SMIM31: variants seen among roughly 807,000 people sequenced by gnomAD.
SMIM31 encodes the protein human epithelial cell program regulator.
At chr4:164,778,391 A>C (rs1732905039) in intron 2 of SMIM31, among the ~76,000 whole-genome samples, 2 of 152,156 alleles carry the variant, frequency 1.3e-5, no homozygotes, top group African/African-American at 4.8e-5. Flanking sequence ...TAAGCACAAA[A>C]CAAAAGTTTA....
intron 2 of SMIM31, among the ~76,000 whole-genome samples, chr4:164,793,937 T>C (rs1394407818): frequency 6.6e-6 from 1 of 152,194 alleles, no homozygotes; most frequent in African/African-American, 2.4e-5. Context: ...GCATTTGACT[T>C]GGCAATGATT....
intron 2 of SMIM31, among the ~76,000 whole-genome samples, chr4:164,787,787 G>A (rs1196106654): frequency 2.6e-5 from 4 of 152,076 alleles, no homozygotes; most frequent in Non-Finnish European, 5.9e-5. Context: ...TTTTCATCCT[G>A]TTCTCTTCAA....
chr4:164,758,845 T>TTTTTTTC (rs1553964725), intron 1 of SMIM31, among the ~76,000 whole-genome samples: 1 of 83,894 alleles, frequency 1.2e-5, no homozygotes, highest in African/African-American at 3.9e-5. Flanking sequence ...TTTTTTTGTA[T>TTTTTTTC]TTTTAGTAGA....
At chr4:164,766,705 G>A (rs1378652110) in intron 1 of SMIM31, among the ~76,000 whole-genome samples, 2 of 152,048 alleles carry the variant, frequency 1.3e-5, no homozygotes, top group Non-Finnish European at 2.9e-5. Context: ...GACTGAGGCA[G>A]GAGAATCGCT....
At position 164,758,550 on chromosome 4, in the gene SMIM31, T is replaced by C. The variant is rs188799177; in HGVS notation, c.-26+4139T>C. On this transcript the variant is annotated intron_variant, in intron 1 of 2. Coordinates refer to ENST00000507311, the MANE Select transcript of SMIM31 (RefSeq NM_001352885.1). ...TCATTCCCACCTTTCTGGGCATTTT[T>C]ATCATGAAGAGTGTTAATTTTTTTC... is the stretch of plus-strand genomic sequence containing the variant. Among the ~76,000 whole-genome samples the C allele has an allele frequency of 5.1e-3, 771 of 152,060 alleles. 5 individuals carry two copies. The highest frequency in any genetic ancestry group is 0.017 in the African/African-American group (710 of 41,528).
At chr4:164,769,759 T>C (rs1732769095) in intron 1 of SMIM31, among the ~76,000 whole-genome samples, 1 of 147,558 alleles carries the variant, frequency 6.8e-6, no homozygotes, top group Non-Finnish European at 1.5e-5. Flanking sequence ...AAAAAAAAAC[T>C]CCTCTCCAAT....
chr4:164,769,392 C>T (rs1579063697), intron 1 of SMIM31, among the ~76,000 whole-genome samples: 1 of 152,138 alleles, frequency 6.6e-6, no homozygotes, highest in Non-Finnish European at 1.5e-5. Flanking sequence ...CTTCTACCAC[C>T]TAACATAAAA....
chr4:164,771,379 A>G (rs1040734195), intron 2 of SMIM31, among the ~76,000 whole-genome samples: 1 of 152,206 alleles, frequency 6.6e-6, no homozygotes, highest in Non-Finnish European at 1.5e-5. Flanking sequence ...TTAACTACAT[A>G]ATAATGTATT....
intron 2 of SMIM31, among the ~76,000 whole-genome samples, chr4:164,799,619 G>C (rs1213180427): frequency 6.6e-6 from 1 of 152,118 alleles, no homozygotes; most frequent in Non-Finnish European, 1.5e-5. Context: ...CATGGGGAAG[G>C]CCATCTGCTT....
chr4:164,768,762 AAG>A (rs1732755104), intron 1 of SMIM31, among the ~76,000 whole-genome samples: 1 of 152,174 alleles, frequency 6.6e-6, no homozygotes, highest in African/African-American at 2.4e-5. Flanking sequence ...TTCTTCAAGA[AAG>A]AGTCCTCACA....
chr4:164,762,805 A>G (rs922240019), intron 1 of SMIM31, among the ~76,000 whole-genome samples: 1 of 152,214 alleles, frequency 6.6e-6, no homozygotes, highest in Non-Finnish European at 1.5e-5. Context: ...TCATATTGAA[A>G]GCATCGGAGC....
At chr4:164,778,335 A>G (rs1732904241) in intron 2 of SMIM31, among the ~76,000 whole-genome samples, 1 of 152,082 alleles carries the variant, frequency 6.6e-6, no homozygotes, top group African/African-American at 2.4e-5. Flanking sequence ...TTAAAAAAAA[A>G]AATTTTATTT....
chr4:164,783,703 G>A lies in SMIM31; in HGVS notation c.112+13148G>A, dbSNP rs149321461. ...AGGCTAAGGTGGGAGGATTACTTGA[G>A]GCCAGGAGTTTGAGACCAGCCTGAG... On this transcript the variant is annotated intron_variant, in intron 2 of 2. Transcript: ENST00000507311. 5.4e-3 allele frequency among the ~76,000 whole-genome samples: 825 copies of A among 152,018 alleles called. 5 individuals are homozygous for A. Among genetic ancestry groups the A allele is most frequent in the African/African-American group, 0.019 (784 of 41,442 alleles).
intron 1 of SMIM31, among the ~76,000 whole-genome samples, chr4:164,769,711 G>C (rs890715032): frequency 6.7e-6 from 1 of 149,156 alleles, no homozygotes; most frequent in Non-Finnish European, 1.5e-5. Flanking sequence ...AAACCTGCAC[G>C]TTGTGCACAT....
At chr4:164,755,253 G>T (rs1732542609) in intron 1 of SMIM31, among the ~76,000 whole-genome samples, 1 of 151,400 alleles carries the variant, frequency 6.6e-6, no homozygotes, top group Admixed American at 6.6e-5. Flanking sequence ...GCCAAGGCAG[G>T]AAGATCACTT....
intron 2 of SMIM31, among the ~76,000 whole-genome samples, chr4:164,792,890 A>G (rs1282870449): frequency 6.6e-6 from 1 of 152,232 alleles, no homozygotes; most frequent in Non-Finnish European, 1.5e-5. Flanking sequence ...CACAGTAATC[A>G]ATACAGTGTA....
chr4:164,777,120 T>C (rs925457933), intron 2 of SMIM31, among the ~76,000 whole-genome samples: 2 of 152,236 alleles, frequency 1.3e-5, no homozygotes, highest in African/African-American at 2.4e-5. Context: ...CAAATCAATG[T>C]AGACAGGCTT....
intron 2 of SMIM31, among the ~76,000 whole-genome samples, chr4:164,792,013 A>G (rs974661595): frequency 2.6e-5 from 4 of 152,218 alleles, no homozygotes; most frequent in Admixed American, 1.3e-4. Flanking sequence ...CTGATGCTTT[A>G]GATCCTTGCT....
At chr4:164,778,830 C>T (rs1345088348) in intron 2 of SMIM31, among the ~76,000 whole-genome samples, 2 of 152,038 alleles carry the variant, frequency 1.3e-5, no homozygotes, top group African/African-American at 4.8e-5. Context: ...GGGCAAGTTG[C>T]CAAGTTAACC....
Sources: gnomAD v4.1 joint callset for allele counts (sites outside exome capture counted in the v4.1 genomes callset) on GRCh38, gnomAD v4.1.1 for gene constraint, MANE v1.5 for transcripts, NCBI Gene and HGNC (gene_info 2026-07-23, HGNC 2026-07-21) for gene names.